The following CACNB3 variants were observed in gnomAD, a reference collection of about 807,000 sequenced individuals.
CACNB3 encodes the protein calcium voltage-gated channel auxiliary subunit beta 3.
A neutral mutation model predicts 63.7 loss-of-function variants in CACNB3; 36 were observed. The ratio of observed to expected loss-of-function variants is 0.57; its 90% CI spans 0.43 to 0.75. The LOEUF (loss-of-function observed/expected upper bound fraction) is 0.75, where lower values mean the gene tolerates loss of function less well. CACNB3 is among the 30% of genes least tolerant of loss of function. The pLI is 0.00. For synonymous variants in CACNB3, 241 were observed against 250.6 expected (o/e 0.96, Z 0.36); for missense variants, 493 against 648.6 (o/e 0.76, Z 2.61).
chr12:48,815,454 A>T (rs1436792196), upstream of CACNB3: 43 of 969,704 alleles, frequency 4.4e-5, no homozygotes, highest in Non-Finnish European at 6.3e-5. Flanking sequence ...AAAGGCAGGG[A>T]GAGCCAGAGA....
intron 4 of CACNB3, 36 bp downstream of exon 4, chr12:48,824,409 A>G (rs1479255472): frequency 6.5e-7 from 1 of 1,534,464 alleles, no homozygotes; most frequent in Admixed American, 1.9e-5. Context: ...AACACACCCC[A>G]AACACTTGCA....
rs1938230494 is a variant in CACNB3 at position 48,827,755 on chromosome 12, C to T, written c.1311C>T (p.Tyr437=). 1 of 1,614,180 alleles carries T rather than the reference C, an allele frequency of 6.2e-7. No homozygotes were observed. The highest frequency in any genetic ancestry group is 2.2e-5 in the East Asian group (1 of 44,880). Residue 437 remains tyrosine (Y), a synonymous_variant, in exon 13 of 13, where the codon TAC becomes TAT. Transcript: ENST00000301050. ...ATGCAGATGCCTACCAGGACCTGTA[C>T]CAGCCTCACCGCCAACACACCTCGG... ...EDYADAYQDL[Y]QPHRQHTSGL...
intron 3 of CACNB3, 121 bp from the exon 4 acceptor site, chr12:48,824,137 C>T: frequency 2.4e-6 from 2 of 847,954 alleles, no homozygotes; most frequent in Non-Finnish European, 1.8e-6. Flanking sequence ...TGCCCACCGC[C>T]CCTTGCATTG....
At position 48,823,745 on chromosome 12, in the gene CACNB3, G is replaced by A. The variant is rs1937976080; in HGVS notation, c.233G>A (p.Cys78Tyr). 8.1e-6 allele frequency: 13 copies of A among 1,614,044 alleles called. No individual in the cohort carries two copies. Among genetic ancestry groups the A allele is most frequent in the Non-Finnish European group, 1.1e-5 (13 of 1,180,016 alleles). ...VSYCGVLDEE[C>Y]PVQGSGVNFE... is the part of the protein sequence containing the mutation. The stretch of plus-strand genomic sequence containing the variant: ...TACTGTGGCGTACTGGATGAGGAGT[G>A]CCCAGTCCAGGGCTCTGGAGTCAAC... Residue 78 changes from cysteine to tyrosine, a missense_variant, in exon 3 of 13, where the codon TGC (cysteine) becomes TAC (tyrosine). Transcript: ENST00000301050. The surrounding 1 kb of genome is among the most constrained non-coding windows in gnomAD (Gnocchi z 4.2).
rs1938152868 is a variant in CACNB3 at position 48,826,692 on chromosome 12, C to T, written c.895-67C>T. On this transcript the variant is annotated intron_variant, in intron 10 of 12. Transcript: ENST00000301050. This position sits in a 1 kb window ranked among gnomAD's most constrained non-coding sequence, Gnocchi z 4.8. The stretch of plus-strand genomic sequence containing the variant: ...CCACAAGTGGAAGAAATGCCTAGCT[C>T]TGCCCGGGCTCAGCTCTGCCCAGAG... 2.0e-6 allele frequency: 3 copies of T among 1,472,958 alleles called. No individual in the cohort carries two copies. The highest frequency in any genetic ancestry group is 1.4e-5 in the African/African-American group (1 of 72,256). The allele number at this position is 1,472,958 out of a possible 1,614,324, so 91.2% of individuals were successfully genotyped here.
Position 48,824,250 on chromosome 12 carries a change from G to A in CACNB3, c.292-8G>A. 3.1e-6 allele frequency: 5 copies of A among 1,607,586 alleles called. No individual in the cohort carries two copies. Among genetic ancestry groups the A allele is most frequent in the Non-Finnish European group, 4.2e-6 (5 of 1,176,540 alleles). Reference sequence around the variant, plus strand: ...CTCACCACCCCTTCCTGCTCCACCTGCCCCCAGAAGTACAGCAATGACTGG... The same window carrying A: ...CTCACCACCCCTTCCTGCTCCACCTACCCCCAGAAGTACAGCAATGACTGG... On this transcript the variant is annotated splice_polypyrimidine_tract_variant and splice_region_variant and intron_variant, in intron 3 of 12. Coordinates refer to ENST00000301050, the MANE Select transcript of CACNB3 (RefSeq NM_000725.4).
At chr12:48,824,840 T>TGGAAG (rs2137459841) in intron 5 of CACNB3, 107 bp downstream of exon 5, 1 of 1,526,774 alleles carries the variant, frequency 6.5e-7, no homozygotes, top group Admixed American at 1.7e-5. Flanking sequence ...GTGGAGGGAT[T>TGGAAG]GGAAGGGGTG....
In CACNB3 at chr12:48,828,732, A is replaced by G. The variant is rs779607228; in HGVS notation, c.*833A>G. ...CCTGTCATTTCTGTTCTTGTCCCTC[A>G]TACATCTTTGGAGAACCGGGCTCCA... is the stretch of plus-strand genomic sequence containing the variant. On this transcript the variant is annotated 3_prime_UTR_variant, in exon 13 of 13. Coordinates refer to ENST00000301050, the MANE Select transcript of CACNB3 (RefSeq NM_000725.4). The G allele has an allele frequency of 6.6e-6, 3 of 456,402 alleles. No homozygotes were observed. The highest frequency in any genetic ancestry group is 4.6e-5 in the South Asian group (3 of 64,562). 28.3% of individuals were successfully genotyped at this position (456,402 alleles called of 1,614,324 possible). A position where few individuals can be genotyped will look rare whatever the true frequency, so the allele number is the denominator to read the frequency against.
rs1448591127 is a variant in CACNB3 at position 48,827,673 on chromosome 12, CCCG to C, written c.1232_1234del (p.Arg411del). 6.2e-7 allele frequency: 1 copy of C among 1,613,896 alleles called. No individual in the cohort carries two copies. The highest frequency in any genetic ancestry group is 1.7e-5 in the Admixed American group (1 of 60,022). The stretch of plus-strand genomic sequence containing the variant: ...CCCTCTGATGAGGCCAGCGAGAGCT[CCCG>C]CCAAGCCTGGACAGGATCTTCACAG... On this transcript the variant is annotated inframe_deletion, in exon 13 of 13. Coordinates refer to ENST00000301050, the MANE Select transcript of CACNB3 (RefSeq NM_000725.4).
rs1466161935 is a variant in CACNB3, at chr12:48,828,333, G to T, written c.*434G>T. On this transcript the variant is annotated 3_prime_UTR_variant, in exon 13 of 13. Transcript: ENST00000301050. ...AGGTCCCTGAGCAGGCACAAGTCCTGACAGTCAAGGGACTGCTTTGGCATC... is the reference window on the plus strand; with the variant it reads ...AGGTCCCTGAGCAGGCACAAGTCCTTACAGTCAAGGGACTGCTTTGGCATC... 3.3e-6 allele frequency: 1 copy of T among 307,484 alleles called. No homozygotes were observed. Among genetic ancestry groups the T allele is most frequent in the East Asian group, 8.1e-5 (1 of 12,368 alleles). The allele number at this position is 307,484 out of a possible 1,614,324, so 19.0% of individuals were successfully genotyped here.
rs763596621 is a variant in CACNB3, at chr12:48,827,100, C to G, written c.1117C>G (p.Pro373Ala). The change falls in exon 12 of 13, where the codon CCC becomes GCC. Residue 373 changes from proline to alanine, a missense_variant. By Grantham distance (27) the Pro-to-Ala change is conservative. Coordinates refer to ENST00000301050, the MANE Select transcript of CACNB3 (RefSeq NM_000725.4). Reference sequence around the variant, plus strand: ...CCCTGGCCCCGGACTTCTGGGTCCTCCCAGTGCCATCCCCGGACTTCAGGT... The same window carrying G: ...CCCTGGCCCCGGACTTCTGGGTCCTGCCAGTGCCATCCCCGGACTTCAGGT... ...PAPGPGLLGP[P>A]SAIPGLQNQQ... 35 of 1,612,838 alleles carry G rather than the reference C, an allele frequency of 2.2e-5. No homozygotes were observed. In the Admixed American group the frequency reaches 5.8e-4, roughly 27 times the overall value.
chr12:48,814,977 G>T (rs775996472), upstream of CACNB3: 1 of 175,430 alleles, frequency 5.7e-6, no homozygotes, highest in East Asian at 1.5e-4. The surrounding 1 kb of genome is among the most constrained non-coding windows in gnomAD (Gnocchi z 6.9). Context: ...CAGAGACTCC[G>T]CGGGCGCGGG....
chr12:48,825,704 G>A lies in CACNB3; in HGVS notation c.677G>A (p.Arg226Gln), dbSNP rs200407767. 1.2e-5 allele frequency: 20 copies of A among 1,614,192 alleles called. 1 individual carries two copies. Among genetic ancestry groups the A allele is most frequent in the South Asian group, 6.6e-5 (6 of 91,084 alleles). ...ACAGCCGACCTCTCCCTGGCAAAGC[G>A]ATCTGTGCTCAACAATCCGGGCAAG... ...RVTADLSLAK[R>Q]SVLNNPGKRT... is the part of the protein sequence containing the mutation. Residue 226 changes from arginine (R) to glutamine (Q), a missense_variant, in exon 9 of 13, where the codon CGA becomes CAA. Physicochemically the swap from Arg to Gln is conservative, Grantham distance 43 (BLOSUM62 1). Transcript: ENST00000301050. This position sits in a 1 kb window ranked among gnomAD's most constrained non-coding sequence, Gnocchi z 4.5.
rs775655875 is a variant in CACNB3 at position 48,825,202 on chromosome 12, C to T, written c.532C>T (p.Arg178Trp). The change falls in exon 7 of 13, where the codon CGG (arginine) becomes TGG (tryptophan). Residue 178 changes from arginine to tryptophan, a missense_variant. By Grantham distance (101) the Arg-to-Trp change is moderately radical. Transcript: ENST00000301050. This position sits in a 1 kb window ranked among gnomAD's most constrained non-coding sequence, Gnocchi z 4.5. ...VPPYDVVPSM[R>W]PVVLVGPSLK... ...CCCATATGACGTGGTGCCCTCCATG[C>T]GGCCTGTGGTGCTGGTGGGACCCTC... The T allele has an allele frequency of 6.2e-7, 1 of 1,614,088 alleles. No homozygotes were observed. Among genetic ancestry groups the T allele is most frequent in the Non-Finnish European group, 8.5e-7 (1 of 1,180,014 alleles).
upstream of CACNB3, among the ~76,000 whole-genome samples, chr12:48,816,443 T>C (rs1942290357): frequency 6.6e-6 from 1 of 152,230 alleles, no homozygotes; most frequent in Non-Finnish European, 1.5e-5. Context: ...AGGTTAGGGC[T>C]ACATGGACAC....
Position 48,828,505 on chromosome 12 carries a change from T to G in CACNB3, c.*606T>G, listed in dbSNP as rs1331193583. 1 of 363,928 alleles carries G rather than the reference T, an allele frequency of 2.7e-6. No homozygotes were observed. Among genetic ancestry groups the G allele is most frequent in the East Asian group, 7.3e-5 (1 of 13,630 alleles). The allele number at this position is 363,928 out of a possible 1,614,324, so 22.5% of individuals were successfully genotyped here. A position where few individuals can be genotyped will look rare whatever the true frequency, so the allele number is the denominator to read the frequency against. On this transcript the variant is annotated 3_prime_UTR_variant, in exon 13 of 13. Transcript: ENST00000301050. The stretch of plus-strand genomic sequence containing the variant: ...TGGCCACGCTCGGGCCAGAGAGAGC[T>G]CACAGCTGAAGCTCTTGGAGGGAAG...
At position 48,823,403 on chromosome 12, in the gene CACNB3, G is replaced by C; in HGVS notation, c.105G>C (p.Glu35Asp). 1 of 1,614,142 alleles carries C rather than the reference G, an allele frequency of 6.2e-7. No homozygotes were observed. The highest frequency in any genetic ancestry group is 8.5e-7 in the Non-Finnish European group (1 of 1,179,986). The change falls in exon 2 of 13, where the codon GAG becomes GAC. Residue 35 changes from glutamate to aspartate, a missense_variant. Physicochemically the swap from Glu to Asp is conservative, Grantham distance 45 (BLOSUM62 2). Transcript: ENST00000301050. The surrounding 1 kb of genome is among the most constrained non-coding windows in gnomAD (Gnocchi z 4.2). ...PSLDSDVSLE[E>D]DRESARREVE... ...TGGACTCAGACGTCTCCCTGGAGGA[G>C]GACCGGGAGAGTGCCCGGCGTGAAG...
chr12:48,827,898 G>C lies in CACNB3; in HGVS notation c.1454G>C (p.Ter485SerextTer106). The part of the protein sequence containing the change: ...RNRPWPKDSY[*>S] ...CGGCCTTGGCCCAAGGATAGCTACTGACAGCCTCCTGCTGCCCTACCCTGG... is the reference window on the plus strand; with the variant it reads ...CGGCCTTGGCCCAAGGATAGCTACTCACAGCCTCCTGCTGCCCTACCCTGG... Residue 485 changes from the stop codon to serine (S), a stop_lost, in exon 13 of 13, where the codon TGA (stop) becomes TCA (serine). Coordinates refer to ENST00000301050, the MANE Select transcript of CACNB3 (RefSeq NM_000725.4). 6.2e-7 allele frequency: 1 copy of C among 1,612,024 alleles called. No individual in the cohort carries two copies. The highest frequency in any genetic ancestry group is 8.5e-7 in the Non-Finnish European group (1 of 1,178,504).
chr12:48,814,945 A>C, upstream of CACNB3: 26 of 184,930 alleles, frequency 1.4e-4, no homozygotes, highest in East Asian at 2.7e-4. The surrounding 1 kb of genome is among the most constrained non-coding windows in gnomAD (Gnocchi z 6.9). Context: ...CTGCACCAGA[A>C]CCCAGGAGAG....
Sources: allele counts gnomAD v4.1 joint callset (sites outside exome capture counted in the v4.1 genomes callset), GRCh38; gene constraint gnomAD v4.1.1; non-coding constraint Gnocchi (gnomAD v3.1); transcripts MANE v1.5; gene names NCBI Gene and HGNC (gene_info 2026-07-23, HGNC 2026-07-21).